CLASP1: variants seen among roughly 807,000 people sequenced by gnomAD.
The protein encoded by CLASP1 is CLIP-associating protein 1.
CLASP1 carries 38 observed loss-of-function variants against 192.3 expected under a neutral mutation model. That is an observed-to-expected ratio of 0.20 (90% confidence interval 0.15 to 0.26). The LOEUF (loss-of-function observed/expected upper bound fraction) is 0.26. CLASP1 is among the 10% of genes least tolerant of loss of function. CLASP1 has a pLI of 1.00. For synonymous variants in CLASP1, 691 were observed against 712.8 expected, an observed-to-expected ratio of 0.97 and a Z score of 0.49; for missense variants, 1,433 against 1,932.5, an observed-to-expected ratio of 0.74 and a Z score of 4.85.
intron 22 of CLASP1, among the ~76,000 whole-genome samples, chr2:121,421,194 C>CACTT (rs2079440758): frequency 1.3e-5 from 2 of 152,120 alleles, no homozygotes; most frequent in Admixed American, 6.5e-5. Flanking sequence ...AATACAAACT[C>CACTT]ACTTATACTA....
chr2:121,374,063 C>A lies in CLASP1; in HGVS notation c.3642+3436G>T, dbSNP rs1480159870. Among the ~76,000 whole-genome samples, 3 of 152,230 alleles carry A rather than the reference C, an allele frequency of 2.0e-5. No individual in the cohort carries two copies. In the East Asian group the frequency reaches 5.8e-4, roughly 29 times the overall value. The stretch of plus-strand genomic sequence containing the variant: ...GGCATTTCAGAGACCTTCTTGGCAG[C>A]CCCTCCCATCACAGACCTGGAGGCC... On this transcript the variant is annotated intron_variant, in intron 34 of 39. Coordinates refer to ENST00000263710, the Ensembl canonical transcript of CLASP1.
At chr2:121,513,476 C>A (rs1187349936) in intron 7 of CLASP1, among the ~76,000 whole-genome samples, 2 of 151,460 alleles carry the variant, frequency 1.3e-5, no homozygotes, top group African/African-American at 4.9e-5. Context: ...ATGTGAAGAA[C>A]CTGAGAAACA....
chr2:121,389,400 T>G (rs2073938545), intron 30 of CLASP1, among the ~76,000 whole-genome samples: 1 of 152,026 alleles, frequency 6.6e-6, no homozygotes, highest in African/African-American at 2.4e-5. Flanking sequence ...GTTTATTTGA[T>G]ATGCATATTT....
chr2:121,450,110 T>C (rs984640177), intron 16 of CLASP1, among the ~76,000 whole-genome samples: 1 of 152,050 alleles, frequency 6.6e-6, no homozygotes, highest in Non-Finnish European at 1.5e-5. Flanking sequence ...GGCGGGTGGA[T>C]CACGAGGTCA....
At chr2:121,452,674 C>T (rs541082326) in intron 14 of CLASP1, among the ~76,000 whole-genome samples, 1 of 152,152 alleles carries the variant, frequency 6.6e-6, no homozygotes. Flanking sequence ...GCCTGTAATC[C>T]CAGCTACTCA....
rs945442514 is a variant in CLASP1 at position 121,518,168 on chromosome 2, T to G, written c.547-2406A>C. On this transcript the variant is annotated intron_variant, in intron 6 of 39. Transcript: ENST00000263710. The stretch of plus-strand genomic sequence containing the variant: ...ATCACTTAAACCCGGGAGGCAGAGG[T>G]TGCAGTGAGCTGAGATCACACCACT... Among the ~76,000 whole-genome samples the G allele has an allele frequency of 2.8e-5, 4 of 142,332 alleles. No individual in the cohort carries two copies. In the East Asian group the frequency reaches 8.2e-4, roughly 29 times the overall value. The allele number at this position is 142,332 out of a possible 152,430, so 93.4% of individuals were successfully genotyped here. A position where few individuals can be genotyped will look rare whatever the true frequency, so the allele number is the denominator to read the frequency against.
At chr2:121,365,047 C>A (rs767141757) in intron 36 of CLASP1, 47 bp downstream of exon 37, 2 of 1,563,860 alleles carry the variant, frequency 1.3e-6, no homozygotes. Flanking sequence ...GACATCGTGA[C>A]CCCATTACAT....
chr2:121,521,802 T>C (rs183102291), intron 6 of CLASP1, among the ~76,000 whole-genome samples: 1 of 152,258 alleles, frequency 6.6e-6, no homozygotes, highest in African/African-American at 2.4e-5. Flanking sequence ...GGCTGACTAC[T>C]AGGTCAGGTG....
At chr2:121,480,785 A>G (rs1279981896) in intron 8 of CLASP1, among the ~76,000 whole-genome samples, 1 of 152,190 alleles carries the variant, frequency 6.6e-6, no homozygotes, top group Non-Finnish European at 1.5e-5. Context: ...TGGCCACAGC[A>G]TCAGGGCTCT....
intron 2 of CLASP1, among the ~76,000 whole-genome samples, chr2:121,534,275 T>C (rs2094980052): frequency 6.6e-6 from 1 of 152,188 alleles, no homozygotes; most frequent in African/African-American, 2.4e-5. Context: ...CCCTACCACA[T>C]GTGCTGGAAA....
At chr2:121,343,157 G>A (rs749463433) in intron 39 of CLASP1, among the ~76,000 whole-genome samples, 13 of 152,266 alleles carry the variant, frequency 8.5e-5, no homozygotes, top group South Asian at 4.1e-4. Context: ...CAACAAATGA[G>A]ATACCCATCC....
At chr2:121,514,135 A>G (rs2094219465) in intron 7 of CLASP1, among the ~76,000 whole-genome samples, 1 of 152,164 alleles carries the variant, frequency 6.6e-6, no homozygotes, top group Non-Finnish European at 1.5e-5. Context: ...CGGTTTCACC[A>G]TGTCATTTCC....
intron 7 of CLASP1, among the ~76,000 whole-genome samples, chr2:121,509,068 T>C (rs1165490670): frequency 3.3e-5 from 5 of 152,234 alleles, no homozygotes; most frequent in African/African-American, 9.6e-5. Flanking sequence ...CATTCCTTAA[T>C]GGATTTTAAA....
Position 121,597,757 on chromosome 2 carries a change from A to G in CLASP1, c.195+7944T>C, listed in dbSNP as rs1241033428. 3.3e-5 allele frequency among the ~76,000 whole-genome samples: 5 copies of G among 152,234 alleles called. No individual in the cohort carries two copies. In the South Asian group the frequency reaches 6.2e-4, roughly 19 times the overall value. On this transcript the variant is annotated intron_variant, in intron 2 of 39. Transcript: ENST00000263710. ...AAACGTTGTTTCCAATGATCCCAGT[A>G]AAGGTACAGGTACTTGCACTGGTGT...
intron 2 of CLASP1, among the ~76,000 whole-genome samples, chr2:121,604,536 C>T (rs934235853): frequency 2.0e-5 from 3 of 152,012 alleles, no homozygotes; most frequent in Admixed American, 6.6e-5. Context: ...GGCATGGTGG[C>T]GCACGTCTGT....
chr2:121,636,698 A>T (rs183932008), intron 1 of CLASP1, among the ~76,000 whole-genome samples: 32 of 152,268 alleles, frequency 2.1e-4, no homozygotes, highest in Middle Eastern at 3.4e-3. Context: ...TAAATTTTTT[A>T]AAAAATTTCA....
intron 25 of CLASP1, among the ~76,000 whole-genome samples, chr2:121,405,975 T>C (rs550842014): frequency 6.6e-6 from 1 of 152,302 alleles, no homozygotes; most frequent in East Asian, 1.9e-4. Flanking sequence ...TGCCCATCTA[T>C]GACCGTTAAC....
At chr2:121,458,912 G>C in exon 13 of CLASP1, 1 of 1,612,956 alleles carries the variant, frequency 6.2e-7, no homozygotes, top group Non-Finnish European at 8.5e-7. Flanking sequence ...TTAAATTAAA[G>C]ATAGTTGGCA....
At chr2:121,385,956 T>C (rs540467822) in intron 32 of CLASP1, among the ~76,000 whole-genome samples, 20 of 152,326 alleles carry the variant, frequency 1.3e-4, no homozygotes, top group African/African-American at 4.6e-4. Flanking sequence ...TGATATCACA[T>C]TGCAGTCTAC....
Sources: gnomAD v4.1 joint callset for allele counts (sites outside exome capture counted in the v4.1 genomes callset) on GRCh38, gnomAD v4.1.1 for gene constraint, MANE v1.5 for transcripts, NCBI Gene and HGNC (gene_info 2026-07-23, HGNC 2026-07-21) for gene names.